CSNK2A1: variants seen among roughly 807,000 people sequenced by gnomAD.
The protein encoded by CSNK2A1 is casein kinase II subunit alpha.
In CSNK2A1, 10 loss-of-function variants were observed where a neutral mutation model predicts 62.9. The ratio of observed to expected loss-of-function variants is 0.16; its 90% CI spans 0.10 to 0.27. CSNK2A1 has a LOEUF of 0.27. Among genes scored for constraint, CSNK2A1 ranks in the 10% least tolerant of loss-of-function variants. The pLI, the probability that CSNK2A1 is intolerant of heterozygous loss-of-function variation, is 1.00. For synonymous variants in CSNK2A1, 124 were observed against 167.8 expected (o/e 0.74, Z 2.02); for missense variants, 160 against 492.0 (o/e 0.33, Z 6.38).
chr20:528,163 G>A (rs1335664611), intron 1 of CSNK2A1, 114 bp from the exon 2 acceptor site: 1 of 152,158 alleles, frequency 6.6e-6, no homozygotes, highest in Non-Finnish European at 1.5e-5. Flanking sequence ...TCTGATGTTG[G>A]ATATGTTATT....
At chr20:505,357 T>A in intron 3 of CSNK2A1, 128 bp from the exon 4 acceptor site, 1 of 654,228 alleles carries the variant, frequency 1.5e-6, no homozygotes, top group Non-Finnish European at 2.4e-6. Context: ...ATAGGTTTTT[T>A]TTTTTTTTTT....
intron 2 of CSNK2A1, among the ~76,000 whole-genome samples, chr20:522,680 A>C (rs552319586): frequency 5.4e-4 from 79 of 146,206 alleles, no homozygotes; most frequent in African/African-American, 1.9e-3. Context: ...ACCGATGTTA[A>C]TTTCTTAATT....
chr20:526,985 A>AGACAGACAG (rs2019105204), intron 2 of CSNK2A1: 4 of 89,996 alleles, frequency 4.4e-5, no homozygotes, highest in African/African-American at 1.8e-4. Flanking sequence ...GAGAGAGAGA[A>AGACAGACAG]AGAGAGAGAG....
chr20:517,363 G>A (rs2066026847), intron 2 of CSNK2A1, among the ~76,000 whole-genome samples: 1 of 152,206 alleles, frequency 6.6e-6, no homozygotes, highest in Non-Finnish European at 1.5e-5. Context: ...TTTACTGAAC[G>A]TTTACTATGT....
chr20:501,624 G>T (rs1399313504), intron 4 of CSNK2A1: 1 of 152,014 alleles, frequency 6.6e-6, no homozygotes, highest in Non-Finnish European at 1.5e-5. Flanking sequence ...ATTCAGCCCA[G>T]CCATATTTCA....
chr20:481,028 G>C lies in CSNK2A1; in HGVS notation c.*2933C>G, dbSNP rs779410886. On this transcript the variant is annotated 3_prime_UTR_variant, in exon 14 of 14. Transcript: ENST00000217244. ...ACAGGCATTTCAAGTACAAGAAACA[G>C]AATTCAAAACGTGAAAACGGAGCCA... The C allele has an allele frequency of 2.0e-5, 3 of 152,152 alleles. No individual in the cohort carries two copies. The highest frequency in any genetic ancestry group is 4.4e-5 in the Non-Finnish European group (3 of 68,022). The allele number at this position is 152,152 out of a possible 1,614,324, so 9.4% of individuals were successfully genotyped here. A position where few individuals can be genotyped will look rare whatever the true frequency, so the allele number is the denominator to read the frequency against.
chr20:522,700 ATTT>A, intron 2 of CSNK2A1, among the ~76,000 whole-genome samples: 1 of 152,056 alleles, frequency 6.6e-6, no homozygotes, highest in Admixed American at 6.6e-5. Flanking sequence ...TATTTTATTT[ATTT>A]ATTTATTTTT....
intron 2 of CSNK2A1, among the ~76,000 whole-genome samples, chr20:512,840 C>T (rs1295740460): frequency 6.6e-6 from 1 of 152,196 alleles, no homozygotes; most frequent in Admixed American, 6.5e-5. Context: ...ATTAATCTAT[C>T]TTCACTTAAT....
chr20:516,992 G>C (rs1241140777), intron 2 of CSNK2A1, among the ~76,000 whole-genome samples: 1 of 152,190 alleles, frequency 6.6e-6, no homozygotes, highest in African/African-American at 2.4e-5. Context: ...CATGGTTTAG[G>C]ACTGCTTGTT....
At chr20:517,077 C>T (rs2018843066) in intron 2 of CSNK2A1, among the ~76,000 whole-genome samples, 1 of 152,178 alleles carries the variant, frequency 6.6e-6, no homozygotes, top group Non-Finnish European at 1.5e-5. Flanking sequence ...TCCAAGCAAT[C>T]AGGCAACATA....
Position 499,836 on chromosome 20 carries a change from A to G in CSNK2A1, c.312T>C (p.Pro104=), listed in dbSNP as rs1254606845. 2 of 1,613,460 alleles carry G rather than the reference A, an allele frequency of 1.2e-6. No individual in the cohort carries two copies. Among genetic ancestry groups the G allele is most frequent in the Non-Finnish European group, 1.7e-6 (2 of 1,179,950 alleles). The part of the protein sequence containing the change: ...IITLADIVKD[P]VSRTPALVFE... ...TGCTAACACCTACTATACTCACCAC[A>G]GGGTCTTTTACAATGTCTGCCAGTG... The change falls in exon 5 of 14, where the codon CCT becomes CCC. Residue 104 remains proline, a synonymous_variant. Coordinates refer to ENST00000217244, the MANE Select transcript of CSNK2A1 (RefSeq NM_177559.3). This position sits in a 1 kb window ranked among gnomAD's most constrained non-coding sequence, Gnocchi z 4.2.
intron 1 of CSNK2A1, among the ~76,000 whole-genome samples, chr20:542,091 T>C (rs370423436): frequency 3.0e-4 from 46 of 152,340 alleles, no homozygotes; most frequent in African/African-American, 9.4e-4. Context: ...TTCTTGACTA[T>C]AAATTTTACT....
intron 1 of CSNK2A1, among the ~76,000 whole-genome samples, chr20:536,723 TATAAG>T (rs747856577): frequency 6.6e-6 from 1 of 152,174 alleles, no homozygotes; most frequent in Non-Finnish European, 1.5e-5. Context: ...TAGGAGTTAT[TATAAG>T]AAAACACCTC....
At chr20:507,532 C>T (rs2018630006) in intron 3 of CSNK2A1, 1 of 152,200 alleles carries the variant, frequency 6.6e-6, no homozygotes, top group South Asian at 2.1e-4. Flanking sequence ...TGAGTCTGCA[C>T]AGAGAATTAG....
chr20:492,390 T>C, intron 8 of CSNK2A1, 26 bp from the exon 9 acceptor site: 2 of 1,610,198 alleles, frequency 1.2e-6, no homozygotes, highest in South Asian at 1.1e-5. Context: ...CCATGAGCAA[T>C]CTTATCTTTC....
intron 2 of CSNK2A1, among the ~76,000 whole-genome samples, chr20:512,777 CAA>C (rs1290708368): frequency 1.3e-5 from 2 of 152,094 alleles, no homozygotes; most frequent in African/African-American, 4.8e-5. Flanking sequence ...ATTCAAGTAC[CAA>C]AAGTCTTTAA....
Position 499,699 on chromosome 20 carries a change from T to C in CSNK2A1, c.315+134A>G. 1 of 787,402 alleles carries C rather than the reference T, an allele frequency of 1.3e-6. No homozygotes were observed. The highest frequency in any genetic ancestry group is 2.2e-6 in the Non-Finnish European group (1 of 462,374). The allele number at this position is 787,402 out of a possible 1,614,324, so 48.8% of individuals were successfully genotyped here. On this transcript the variant is annotated intron_variant, in intron 5 of 13. Transcript: ENST00000217244. The surrounding 1 kb of genome is among the most constrained non-coding windows in gnomAD (Gnocchi z 4.2). ...AGAAAGACCCAAGCTAGTTAAATGG[T>C]ATATCTGATTAAGCACTTTCAAAGC...
Position 478,403 on chromosome 20 carries a change from A to G in CSNK2A1, c.*5558T>C. The G allele has an allele frequency of 4.2e-6, 1 of 239,828 alleles. No homozygotes were observed. The highest frequency in any genetic ancestry group is 3.7e-5 in the South Asian group (1 of 26,860). 14.9% of individuals were successfully genotyped at this position (239,828 alleles called of 1,614,324 possible). On this transcript the variant is annotated 3_prime_UTR_variant, in exon 14 of 14. Transcript: ENST00000217244. ...GGCTAGAAATGTTTATCAATAGCTG[A>G]GACTCTGATTCCCAGGGTGGGATCA...
In CSNK2A1 at chr20:492,630, G is replaced by A. The variant is rs192782627; in HGVS notation, c.511-266C>T. 232 of 409,266 alleles carry A rather than the reference G, an allele frequency of 5.7e-4. 1 individual carries two copies. The highest frequency in any genetic ancestry group is 4.4e-3 in the African/African-American group (217 of 49,294). 25.4% of individuals were successfully genotyped at this position (409,266 alleles called of 1,614,324 possible). A position where few individuals can be genotyped will look rare whatever the true frequency, so the allele number is the denominator to read the frequency against. ...ATGACTAAAATGTCCCTACTACCCA[G>A]CCTATAATCCTATTGGTAAGCATTT... On this transcript the variant is annotated intron_variant, in intron 8 of 13. Transcript: ENST00000217244.
Sources: gnomAD v4.1 joint callset for allele counts (sites outside exome capture counted in the v4.1 genomes callset) on GRCh38, gnomAD v4.1.1 for gene constraint, Gnocchi (gnomAD v3.1) non-coding constraint, MANE v1.5 for transcripts, NCBI Gene and HGNC (gene_info 2026-07-23, HGNC 2026-07-21) for gene names.